Variants in TBC1D22A observed in about 807,000 individuals in gnomAD.
The protein encoded by TBC1D22A is TBC1 domain family member 22A.
A neutral mutation model predicts 60.2 loss-of-function variants in TBC1D22A; 38 were observed. That is an observed-to-expected ratio of 0.63 (90% CI 0.49 to 0.83). The LOEUF (loss-of-function observed/expected upper bound fraction) is 0.83, where lower values mean the gene tolerates loss of function less well. Among genes scored for constraint, TBC1D22A ranks in the 40% least tolerant of loss-of-function variants. The pLI is 0.00. For missense variants in TBC1D22A, 628 were observed against 701.0 expected (o/e 0.90, Z 1.18); for synonymous variants, 302 against 281.7 (o/e 1.07, Z -0.72).
intron 1 of TBC1D22A, among the ~76,000 whole-genome samples, chr22:46,787,618 T>G (rs953467626): frequency 2.0e-5 from 3 of 152,192 alleles, no homozygotes; most frequent in African/African-American, 7.2e-5. Flanking sequence ...AAGGTACATA[T>G]GTATGAAATG....
intron 12 of TBC1D22A, among the ~76,000 whole-genome samples, chr22:47,128,791 C>T (rs1361825944): frequency 2.0e-5 from 3 of 152,252 alleles, no homozygotes; most frequent in South Asian, 2.1e-4. Flanking sequence ...AAGCACCTGG[C>T]GACGGTGTAA....
Position 47,157,059 on chromosome 22 carries a change from C to G in TBC1D22A, c.1426-16439C>G, listed in dbSNP as rs369610178. Among the ~76,000 whole-genome samples, 35 of 152,292 alleles carry G rather than the reference C, an allele frequency of 2.3e-4. No individual in the cohort carries two copies. The East Asian group carries it at 4.1e-3, about 18-fold the overall frequency. ...GGGCAGTGGCCAGGCACTGGGTGCC[C>G]CCGGTGTGCAGGTGATGCAGGATGC... On this transcript the variant is annotated intron_variant, in intron 12 of 12. Coordinates refer to ENST00000337137, the MANE Select transcript of TBC1D22A (RefSeq NM_014346.5).
intron 12 of TBC1D22A, among the ~76,000 whole-genome samples, chr22:47,151,265 C>T (rs1187572044): frequency 1.3e-5 from 2 of 152,206 alleles, no homozygotes; most frequent in African/African-American, 4.8e-5. Context: ...CACCCGTGTA[C>T]TCTCCACCTT....
Position 46,889,136 on chromosome 22 carries a change from G to A in TBC1D22A, c.709-2130G>A, listed in dbSNP as rs557347794. On this transcript the variant is annotated intron_variant, in intron 5 of 12. Coordinates refer to ENST00000337137, the MANE Select transcript of TBC1D22A (RefSeq NM_014346.5). Reference sequence around the variant, plus strand: ...CCATAGACTGGGGAGAGGAATGACAGTAAATACAAAGGAAAAAGAGATTTG... The same window carrying A: ...CCATAGACTGGGGAGAGGAATGACAATAAATACAAAGGAAAAAGAGATTTG... Among the ~76,000 whole-genome samples the A allele has an allele frequency of 5.3e-5, 8 of 152,306 alleles. No individual in the cohort carries two copies. The South Asian group carries it at 1.7e-3, about 32-fold the overall frequency.
intron 7 of TBC1D22A, 125 bp downstream of exon 7, chr22:46,894,971 G>A (rs2068597600): frequency 7.6e-6 from 7 of 921,950 alleles, no homozygotes; most frequent in South Asian, 1.3e-5. Flanking sequence ...GTGAGCTGCC[G>A]GTGCATCTAG....
intron 11 of TBC1D22A, among the ~76,000 whole-genome samples, chr22:47,076,464 A>G (rs1350602304): frequency 6.6e-6 from 1 of 151,400 alleles, no homozygotes; most frequent in Non-Finnish European, 1.5e-5. Context: ...CCAGTAATAC[A>G]AAGAGAACAA....
Position 47,162,846 on chromosome 22 carries a change from C to T in TBC1D22A, c.1426-10652C>T, listed in dbSNP as rs141126595. ...AGGGAGAGTCGGGGGAGTGGGACTG[C>T]GGACCCGGTGTAGGCACTTCCTCGT... is the stretch of plus-strand genomic sequence containing the variant. On this transcript the variant is annotated intron_variant, in intron 12 of 12. Coordinates refer to ENST00000337137, the MANE Select transcript of TBC1D22A (RefSeq NM_014346.5). Among the ~76,000 whole-genome samples, 8 of 148,784 alleles carry T rather than the reference C, an allele frequency of 5.4e-5. No homozygotes were observed. In the South Asian group the frequency reaches 1.1e-3, roughly 20 times the overall value.
intron 7 of TBC1D22A, among the ~76,000 whole-genome samples, chr22:46,905,835 C>T (rs28594759): frequency 0.092 from 13,937 of 152,284 alleles, 923 homozygotes; most frequent in Middle Eastern, 0.17. Flanking sequence ...ATGACCTTCC[C>T]GTGTCCCAGA....
chr22:46,843,155 A>G (rs987608983), intron 4 of TBC1D22A, among the ~76,000 whole-genome samples: 13 of 152,182 alleles, frequency 8.5e-5, no homozygotes, highest in African/African-American at 2.9e-4. Context: ...AAGGGGAGGC[A>G]CTGAGCCAGT....
At position 47,173,963 on chromosome 22, in the gene TBC1D22A, A is replaced by C; in HGVS notation, c.*337A>C. 4.2e-6 allele frequency: 1 copy of C among 235,972 alleles called. No individual in the cohort carries two copies. Among genetic ancestry groups the C allele is most frequent in the Non-Finnish European group, 8.4e-6 (1 of 118,900 alleles). 14.6% of individuals were successfully genotyped at this position (235,972 alleles called of 1,614,324 possible). Reference sequence around the variant, plus strand: ...TAGTCCGGGGCAGCCTAGGAGGCCGACCCTCTTTGGAGTCCTGCTGTCTGG... The same window carrying C: ...TAGTCCGGGGCAGCCTAGGAGGCCGCCCCTCTTTGGAGTCCTGCTGTCTGG... On this transcript the variant is annotated 3_prime_UTR_variant, in exon 13 of 13. Transcript: ENST00000337137.
intron 12 of TBC1D22A, among the ~76,000 whole-genome samples, chr22:47,168,378 G>A (rs1216184279): frequency 7.0e-6 from 1 of 143,560 alleles, no homozygotes; most frequent in East Asian, 2.1e-4. Flanking sequence ...TGTTGAAGTA[G>A]TAGGTGGTGG....
chr22:47,105,014 C>CA (rs2065579771), intron 11 of TBC1D22A, among the ~76,000 whole-genome samples: 3 of 152,018 alleles, frequency 2.0e-5, no homozygotes, highest in South Asian at 4.2e-4. Context: ...TGTACAAAAT[C>CA]AAGCTGCACC....
intron 12 of TBC1D22A, among the ~76,000 whole-genome samples, chr22:47,112,633 G>A (rs1368943494): frequency 2.0e-5 from 3 of 152,206 alleles, no homozygotes; most frequent in African/African-American, 7.2e-5. Context: ...GCCAAGAGCT[G>A]CCAACAGATC....
chr22:46,991,107 C>G (rs1347930932), intron 9 of TBC1D22A, among the ~76,000 whole-genome samples: 2 of 152,176 alleles, frequency 1.3e-5, no homozygotes, highest in Non-Finnish European at 2.9e-5. Context: ...GACACAGTAA[C>G]TCAGTACCGC....
intron 12 of TBC1D22A, among the ~76,000 whole-genome samples, chr22:47,112,574 G>A (rs2065891300): frequency 6.6e-6 from 1 of 152,154 alleles, no homozygotes; most frequent in Non-Finnish European, 1.5e-5. Context: ...CTGCCGCCCC[G>A]CTTCATCTCG....
chr22:47,171,518 C>T (rs1454932110), intron 12 of TBC1D22A, among the ~76,000 whole-genome samples: 1 of 152,210 alleles, frequency 6.6e-6, no homozygotes, highest in Non-Finnish European at 1.5e-5. Context: ...TGCCCAGCTT[C>T]ATGACAGAGC....
chr22:46,905,780 G>A (rs1235834907), intron 7 of TBC1D22A, among the ~76,000 whole-genome samples: 1 of 152,232 alleles, frequency 6.6e-6, no homozygotes, highest in African/African-American at 2.4e-5. Context: ...TCCTCAACCT[G>A]TGGGCGGGCA....
At chr22:46,913,207 TA>T in intron 8 of TBC1D22A, 1 of 557,712 alleles carries the variant, frequency 1.8e-6, no homozygotes, top group Non-Finnish European at 2.8e-6. Context: ...CGTCTATGGA[TA>T]AAACATAAAT....
At chr22:47,138,929 C>T (rs1038729644) in intron 12 of TBC1D22A, among the ~76,000 whole-genome samples, 3 of 152,208 alleles carry the variant, frequency 2.0e-5, no homozygotes, top group African/African-American at 2.4e-5. Context: ...CCAAAGACCC[C>T]GCTTCCTAAT....
Sources: allele counts gnomAD v4.1 joint callset (sites outside exome capture counted in the v4.1 genomes callset), GRCh38; gene constraint gnomAD v4.1.1; transcripts MANE v1.5; gene names NCBI Gene and HGNC (gene_info 2026-07-23, HGNC 2026-07-21).